RNF17: variants seen among roughly 807,000 people sequenced by gnomAD.
RNF17 encodes spermatogenesis associated 23.
RNF17 carries 31 observed loss-of-function variants against 200.5 expected under a neutral mutation model. That is an observed-to-expected ratio of 0.15 (90% CI 0.12 to 0.21). The LOEUF is 0.21. Ranked by LOEUF, RNF17 falls within the 10% of genes least tolerant of loss-of-function variation. The pLI is 1.00. For synonymous variants in RNF17, 606 were observed against 637.8 expected (o/e 0.95, Z 0.75); for missense variants, 1,628 against 1,905.1 (o/e 0.85, Z 2.71).
chr13:24,868,820 T>C (rs1893953707), intron 31 of RNF17, 104 bp downstream of exon 31: 1 of 714,002 alleles, frequency 1.4e-6, no homozygotes, highest in South Asian at 1.6e-5. Flanking sequence ...TGATTTCAAA[T>C]GTTGCAAATT....
intron 18 of RNF17, among the ~76,000 whole-genome samples, chr13:24,841,832 C>T (rs551099241): frequency 3.3e-5 from 5 of 151,928 alleles, no homozygotes; most frequent in East Asian, 2.0e-4. Flanking sequence ...CGTGGTGGCG[C>T]GACAGTGTCT....
chr13:24,825,297 A>G (rs1888495001), intron 15 of RNF17, among the ~76,000 whole-genome samples: 1 of 150,910 alleles, frequency 6.6e-6, no homozygotes, highest in African/African-American at 2.4e-5. Flanking sequence ...TGATAGAAAA[A>G]TGTAAGTGAT....
chr13:24,782,611 G>GA (rs1555265940), intron 6 of RNF17, among the ~76,000 whole-genome samples: 2 of 150,862 alleles, frequency 1.3e-5, no homozygotes. Flanking sequence ...GAGATGGGGG[G>GA]GGGATCTTTG....
At position 24,793,155 on chromosome 13, in the gene RNF17, T is replaced by C; in HGVS notation, c.1049T>C (p.Met350Thr). 1 of 1,614,098 alleles carries C rather than the reference T, an allele frequency of 6.2e-7. No individual in the cohort carries two copies. The highest frequency in any genetic ancestry group is 1.3e-5 in the African/African-American group (1 of 75,048). Residue 350 changes from methionine to threonine, a missense_variant, in exon 10 of 36, where the codon ATG (methionine) becomes ACG (threonine). This residue lies in a region of RNF17 where 502 missense variants were observed against 501.7 expected (regional missense o/e 1.00). Coordinates refer to ENST00000255324, the MANE Select transcript of RNF17 (RefSeq NM_031277.3). ...CCGCTAGAAAAGAAAAAGGTTGACATGTCTGTCCTAACCAGTGAAGCACCA... is the reference window on the plus strand; with the variant it reads ...CCGCTAGAAAAGAAAAAGGTTGACACGTCTGTCCTAACCAGTGAAGCACCA... The part of the protein sequence containing the change: ...YPPLEKKKVD[M>T]SVLTSEAPPP...
In RNF17 at chr13:24,830,343, A is replaced by C. The variant is rs891807121; in HGVS notation, c.2246-141A>C. 5.5e-6 allele frequency: 3 copies of C among 546,268 alleles called. No homozygotes were observed. In the African/African-American group the frequency reaches 5.8e-5, roughly 11 times the overall value. 33.8% of individuals were successfully genotyped at this position (546,268 alleles called of 1,614,324 possible). A position where few individuals can be genotyped will look rare whatever the true frequency, so the allele number is the denominator to read the frequency against. On this transcript the variant is annotated intron_variant, in intron 16 of 35. Coordinates refer to ENST00000255324, the MANE Select transcript of RNF17 (RefSeq NM_031277.3). ...TGATTTCGGGGTTCACATATTTGAA[A>C]TATTTTTTACATTTTAAAAAGTATT...
At chr13:24,806,135 T>A (rs978511547) in intron 15 of RNF17, among the ~76,000 whole-genome samples, 4 of 152,084 alleles carry the variant, frequency 2.6e-5, no homozygotes, top group Non-Finnish European at 5.9e-5. Flanking sequence ...GAACATGCAG[T>A]GTTTGGTTTT....
At chr13:24,836,376 A>G (rs187705929) in intron 18 of RNF17, among the ~76,000 whole-genome samples, 4 of 152,342 alleles carry the variant, frequency 2.6e-5, no homozygotes, top group Admixed American at 2.6e-4. Context: ...TGGGAAATTC[A>G]TCGCAAAAAG....
At chr13:24,881,322 GTA>G (rs1177620243), downstream of RNF17, among the ~76,000 whole-genome samples, 1 of 151,840 alleles carries the variant, frequency 6.6e-6, no homozygotes, top group Non-Finnish European at 1.5e-5. Flanking sequence ...TGTATTTTTA[GTA>G]GAGACGGGGT....
chr13:24,782,023 T>A (rs1882447097), intron 6 of RNF17, 79 bp downstream of exon 6: 1 of 919,494 alleles, frequency 1.1e-6, no homozygotes, highest in African/African-American at 1.7e-5. Context: ...TTGTTTAGAA[T>A]GGTAATGGGT....
At chr13:24,765,148 T>C (rs1879466410) in intron 1 of RNF17, among the ~76,000 whole-genome samples, 2 of 152,142 alleles carry the variant, frequency 1.3e-5, no homozygotes, top group South Asian at 4.1e-4. Flanking sequence ...CTGGAGTAGC[T>C]GGGACTACAG....
chr13:24,781,740 T>A (rs1882398567), intron 5 of RNF17, 104 bp from the exon 6 acceptor site: 2 of 698,908 alleles, frequency 2.9e-6, no homozygotes, highest in South Asian at 1.9e-5. Flanking sequence ...CCTCTTGTGT[T>A]ATTTTGAAGA....
chr13:24,853,073 C>T (rs1892112631), intron 24 of RNF17, among the ~76,000 whole-genome samples: 1 of 152,146 alleles, frequency 6.6e-6, no homozygotes, highest in South Asian at 2.1e-4. Flanking sequence ...GCCACCATGC[C>T]TGGCTAATTT....
chr13:24,793,505 A>G (rs767287095), intron 10 of RNF17, among the ~76,000 whole-genome samples, 159 bp downstream of exon 10: 4 of 152,178 alleles, frequency 2.6e-5, no homozygotes, highest in Non-Finnish European at 5.9e-5. Context: ...CCCTACTCTC[A>G]CATTTTCCAG....
At chr13:24,872,950 G>A (rs1000298041) in intron 32 of RNF17, among the ~76,000 whole-genome samples, 1 of 152,124 alleles carries the variant, frequency 6.6e-6, no homozygotes, top group Non-Finnish European at 1.5e-5. Context: ...GAGGAAATGT[G>A]GTAGAAGTTG....
chr13:24,869,849 C>T (rs1364341696), intron 31 of RNF17, among the ~76,000 whole-genome samples: 1 of 151,944 alleles, frequency 6.6e-6, no homozygotes, highest in Non-Finnish European at 1.5e-5. Flanking sequence ...CTCACTGAAG[C>T]CTTAACTTCC....
intron 23 of RNF17, 110 bp downstream of exon 23, chr13:24,850,553 C>A: frequency 1.4e-6 from 1 of 701,628 alleles, no homozygotes; most frequent in Non-Finnish European, 2.4e-6. Flanking sequence ...GATTTTGTTA[C>A]AAATTTTGTC....
In RNF17 at chr13:24,796,062, A is replaced by G. The variant is rs1410543829; in HGVS notation, c.1241-75A>G. ...GCCATAAGACACTCTTTTAGAGGCT[A>G]TTATGGTTGTTCAGCTTTCATGAAT... On this transcript the variant is annotated intron_variant, in intron 10 of 35. Transcript: ENST00000255324. The G allele has an allele frequency of 2.6e-6, 3 of 1,144,786 alleles. No individual in the cohort carries two copies. The South Asian group carries it at 4.7e-5, about 18-fold the overall frequency. 70.9% of individuals were successfully genotyped at this position (1,144,786 alleles called of 1,614,324 possible). A position where few individuals can be genotyped will look rare whatever the true frequency, so the allele number is the denominator to read the frequency against.
intron 6 of RNF17, among the ~76,000 whole-genome samples, chr13:24,782,849 T>C (rs757995755): frequency 6.6e-6 from 1 of 152,196 alleles, no homozygotes; most frequent in Non-Finnish European, 1.5e-5. Flanking sequence ...CTCCCATTTG[T>C]AAGTTGTCTT....
intron 31 of RNF17, among the ~76,000 whole-genome samples, chr13:24,870,115 T>C (rs1476105400): frequency 6.6e-6 from 1 of 151,768 alleles, no homozygotes; most frequent in Non-Finnish European, 1.5e-5. Context: ...CTAATTTTTG[T>C]TTTTGTATTT....
Sources: allele counts gnomAD v4.1 joint callset (sites outside exome capture counted in the v4.1 genomes callset), GRCh38; gene constraint gnomAD v4.1.1; regional missense constraint gnomAD v4.1.1; transcripts MANE v1.5; gene names NCBI Gene and HGNC (gene_info 2026-07-23, HGNC 2026-07-21).